The following KCTD16 variants were observed in gnomAD, a reference collection of about 807,000 sequenced individuals.
KCTD16 encodes BTB/POZ domain-containing protein KCTD16.
A neutral mutation model predicts 33.2 loss-of-function variants in KCTD16; 13 were observed. The ratio of observed to expected loss-of-function variants is 0.39; its 90% CI spans 0.25 to 0.62. The LOEUF (loss-of-function observed/expected upper bound fraction) is 0.62, where lower values mean the gene tolerates loss of function less well. Ranked by LOEUF, KCTD16 falls within the 20% of genes least tolerant of loss-of-function variation. The probability of loss-of-function intolerance (pLI) is 0.50; values close to 1 mark genes in which losing one functional copy is unlikely to be tolerated. For missense variants in KCTD16, 441 were observed against 525.1 expected (o/e 0.84, Z 1.57); for synonymous variants, 197 against 195.3 (o/e 1.01, Z -0.07).
intron 3 of KCTD16, among the ~76,000 whole-genome samples, chr5:144,432,637 A>ATGTG (rs71576198): frequency 0.052 from 7,788 of 150,924 alleles, 683 homozygotes; most frequent in African/African-American, 0.18. Flanking sequence ...ATAACACTAA[A>ATGTG]TGTGTGTGTG....
At chr5:144,441,751 A>T (rs1299667448) in intron 3 of KCTD16, among the ~76,000 whole-genome samples, 2 of 150,004 alleles carry the variant, frequency 1.3e-5, no homozygotes. Flanking sequence ...TGAAATCAGG[A>T]TATATGAGTT....
chr5:144,172,129 A>C (rs1009191648), intron 1 of KCTD16, among the ~76,000 whole-genome samples: 2 of 152,040 alleles, frequency 1.3e-5, no homozygotes, highest in Non-Finnish European at 2.9e-5. Context: ...ACCCCAATAA[A>C]ACAAACAGAA....
intron 3 of KCTD16, among the ~76,000 whole-genome samples, chr5:144,282,043 A>G (rs1472093169): frequency 1.3e-5 from 2 of 152,188 alleles, no homozygotes; most frequent in Non-Finnish European, 2.9e-5. Context: ...CTCTGAAATG[A>G]TAAGAATGAT....
intron 3 of KCTD16, among the ~76,000 whole-genome samples, chr5:144,282,844 T>A (rs1755643619): frequency 6.6e-6 from 1 of 152,162 alleles, no homozygotes; most frequent in Admixed American, 6.5e-5. Flanking sequence ...TCCAGTTCTC[T>A]GGTAATAGAG....
intron 3 of KCTD16, among the ~76,000 whole-genome samples, chr5:144,308,286 G>A (rs1751661505): frequency 6.6e-6 from 1 of 152,204 alleles, no homozygotes; most frequent in Non-Finnish European, 1.5e-5. Context: ...CCACACCCAG[G>A]ATGGTTACAG....
chr5:144,204,991 C>G (rs958637621), intron 2 of KCTD16, among the ~76,000 whole-genome samples: 1 of 146,312 alleles, frequency 6.8e-6, no homozygotes, highest in Admixed American at 6.9e-5. Context: ...ATTCCGTGAA[C>G]GAGGAGGGGG....
chr5:144,344,613 A>G (rs1752735763), intron 3 of KCTD16, among the ~76,000 whole-genome samples: 3 of 151,592 alleles, frequency 2.0e-5, no homozygotes, highest in Admixed American at 2.0e-4. Context: ...AATGCTCACC[A>G]TCACTGGCCA....
intron 3 of KCTD16, among the ~76,000 whole-genome samples, chr5:144,339,405 A>G (rs1485610088): frequency 6.6e-6 from 1 of 151,854 alleles, no homozygotes; most frequent in Non-Finnish European, 1.5e-5. Flanking sequence ...TTTTTTCCCC[A>G]TGTCCTCAAA....
intron 3 of KCTD16, among the ~76,000 whole-genome samples, chr5:144,217,284 G>C (rs1046330658): frequency 2.0e-5 from 3 of 152,190 alleles, no homozygotes; most frequent in Non-Finnish European, 2.9e-5. Context: ...AATTCAAATG[G>C]AAGGTAGAAT....
rs933980464 is a variant in KCTD16 at position 144,482,540 on chromosome 5, G to T, written c.*8426G>T. On this transcript the variant is annotated 3_prime_UTR_variant, in exon 4 of 4. Transcript: ENST00000512467. ...ATCTGCTATTTTCATCTTTTGGCTTGTTAAACAGTCTCAGGTTTTTATTCA... is the reference window on the plus strand; with the variant it reads ...ATCTGCTATTTTCATCTTTTGGCTTTTTAAACAGTCTCAGGTTTTTATTCA... 2 of 151,742 alleles carry T rather than the reference G, an allele frequency of 1.3e-5. No individual in the cohort carries two copies. The highest frequency in any genetic ancestry group is 2.4e-5 in the African/African-American group (1 of 41,348). The allele number at this position is 151,742 out of a possible 1,614,324, so 9.4% of individuals were successfully genotyped here.
chr5:144,430,445 G>T (rs1753433107), intron 3 of KCTD16, among the ~76,000 whole-genome samples: 1 of 152,058 alleles, frequency 6.6e-6, no homozygotes, highest in Non-Finnish European at 1.5e-5. Flanking sequence ...AGCCAAAAGG[G>T]TTGGCTTCCG....
At chr5:144,279,287 T>C (rs1038996241) in intron 3 of KCTD16, among the ~76,000 whole-genome samples, 2 of 152,236 alleles carry the variant, frequency 1.3e-5, no homozygotes, top group Admixed American at 1.3e-4. Context: ...TGTGTGCATT[T>C]TTTTTTATTT....
At chr5:144,278,718 C>T (rs1040060363) in intron 3 of KCTD16, among the ~76,000 whole-genome samples, 8 of 151,606 alleles carry the variant, frequency 5.3e-5, no homozygotes, top group African/African-American at 1.2e-4. Flanking sequence ...AGGATGGTCT[C>T]GATCTCCTGA....
intron 3 of KCTD16, among the ~76,000 whole-genome samples, chr5:144,314,678 T>A (rs774621999): frequency 4.6e-5 from 7 of 152,194 alleles, no homozygotes; most frequent in Admixed American, 1.3e-4. Context: ...TTAGTTATAC[T>A]TCCTTAAAAA....
In KCTD16 at chr5:144,340,700, G is replaced by A. The variant is rs145840022; in HGVS notation, c.833-132960G>A. ...ACACCGGAACTTCTCTCTCCACCCT[G>A]TGAGGACACAGCGAAAAGGTGGCTG... is the stretch of plus-strand genomic sequence containing the variant. On this transcript the variant is annotated intron_variant, in intron 3 of 3. Transcript: ENST00000512467. 1.5e-3 allele frequency among the ~76,000 whole-genome samples: 230 copies of A among 152,260 alleles called. 1 individual carries two copies. Among genetic ancestry groups the A allele is most frequent in the African/African-American group, 5.4e-3 (224 of 41,538 alleles).
intron 3 of KCTD16, among the ~76,000 whole-genome samples, chr5:144,308,808 G>A (rs760988403): frequency 1.7e-4 from 26 of 151,642 alleles, no homozygotes; most frequent in Non-Finnish European, 3.5e-4. Flanking sequence ...AAATAATAGT[G>A]AAAGCAAAAG....
At chr5:144,381,875 G>T (rs1257284656) in intron 3 of KCTD16, among the ~76,000 whole-genome samples, 2 of 152,140 alleles carry the variant, frequency 1.3e-5, no homozygotes, top group Non-Finnish European at 2.9e-5. Context: ...CCATTATTGG[G>T]TACATACCTA....
intron 3 of KCTD16, among the ~76,000 whole-genome samples, chr5:144,326,388 A>G (rs1268259182): frequency 6.6e-6 from 1 of 152,226 alleles, no homozygotes; most frequent in African/African-American, 2.4e-5. Flanking sequence ...AAATAGATCT[A>G]TTGATAGTAT....
At position 144,261,747 on chromosome 5, in the gene KCTD16, C is replaced by G. The variant is rs1181792038; in HGVS notation, c.832+54201C>G. On this transcript the variant is annotated intron_variant, in intron 3 of 3. Transcript: ENST00000512467. ...TGCCACTGGAGGGACAATTATTTTTCTTCTTTAATCTTTACAGTGAGTCTT... is the reference window on the plus strand; with the variant it reads ...TGCCACTGGAGGGACAATTATTTTTGTTCTTTAATCTTTACAGTGAGTCTT... Among the ~76,000 whole-genome samples the G allele has an allele frequency of 2.0e-5, 3 of 152,194 alleles. No homozygotes were observed. In the South Asian group the frequency reaches 6.2e-4, roughly 31 times the overall value.
Sources: gnomAD v4.1 joint callset for allele counts (sites outside exome capture counted in the v4.1 genomes callset) on GRCh38, gnomAD v4.1.1 for gene constraint, MANE v1.5 for transcripts, NCBI Gene and HGNC (gene_info 2026-07-23, HGNC 2026-07-21) for gene names.